The following ARMC6 variants were observed in gnomAD, a reference collection of about 807,000 sequenced individuals.
The protein encoded by ARMC6 is armadillo repeat containing 6.
ARMC6 carries 43 observed loss-of-function variants against 49.2 expected under a neutral mutation model. The observed-to-expected ratio is 0.87, with a 90% CI of 0.69 to 1.13. The LOEUF (loss-of-function observed/expected upper bound fraction) is 1.13, where lower values mean the gene tolerates loss of function less well. Ranked by LOEUF, ARMC6 falls within the 50% of genes most tolerant of loss-of-function variation. The pLI is 0.00. For synonymous variants in ARMC6, 262 were observed against 289.6 expected, an observed-to-expected ratio of 0.90 and a Z score of 0.97; for missense variants, 627 against 682.0, an observed-to-expected ratio of 0.92 and a Z score of 0.90.
At chr19:19,050,237 C>T (rs1430910485) in intron 4 of ARMC6, among the ~76,000 whole-genome samples, 6 of 152,148 alleles carry the variant, frequency 3.9e-5, no homozygotes, top group Admixed American at 3.9e-4. Context: ...ATGGCACGAG[C>T]TCAGCTCCCT....
intron 2 of ARMC6, among the ~76,000 whole-genome samples, chr19:19,035,400 G>A (rs2059354176): frequency 6.6e-6 from 1 of 152,224 alleles, no homozygotes; most frequent in African/African-American, 2.4e-5. Flanking sequence ...CCCTCAGCAT[G>A]CCCTGATGGA....
In ARMC6 at chr19:19,055,208, G is replaced by C; in HGVS notation, c.1024-57G>C. On this transcript the variant is annotated intron_variant, in intron 6 of 8. Transcript: ENST00000535612. This position sits in a 1 kb window ranked among gnomAD's most constrained non-coding sequence, Gnocchi z 5.7. ...AAACAGCCCCACATTCTCCCTCAGA[G>C]CCCTCTCCCACAACCAGCGGCCTGG... 6.6e-7 allele frequency: 1 copy of C among 1,525,800 alleles called. No homozygotes were observed. The highest frequency in any genetic ancestry group is 8.8e-7 in the Non-Finnish European group (1 of 1,137,356). 94.5% of individuals were successfully genotyped at this position (1,525,800 alleles called of 1,614,324 possible). A position where few individuals can be genotyped will look rare whatever the true frequency, so the allele number is the denominator to read the frequency against.
Position 19,033,903 on chromosome 19 carries a change from C to T in ARMC6, c.-107C>T, listed in dbSNP as rs1457895488. ...CCCTGGGTGACAACCGCGCGCCCCA[C>T]CTTTCCCCACGTGGCCGCGAAGACC... On this transcript the variant is annotated 5_prime_UTR_variant, in exon 1 of 9. Coordinates refer to ENST00000535612, the MANE Select transcript of ARMC6 (RefSeq NM_001199196.2). 5 of 401,634 alleles carry T rather than the reference C, an allele frequency of 1.2e-5. No individual in the cohort carries two copies. The highest frequency in any genetic ancestry group is 4.2e-5 in the Admixed American group (1 of 24,096). The allele number at this position is 401,634 out of a possible 1,614,324, so 24.9% of individuals were successfully genotyped here. A position where few individuals can be genotyped will look rare whatever the true frequency, so the allele number is the denominator to read the frequency against.
At chr19:19,044,427 G>A (rs566267742) in intron 4 of ARMC6, among the ~76,000 whole-genome samples, 1 of 152,350 alleles carries the variant, frequency 6.6e-6, no homozygotes, top group African/African-American at 2.4e-5. Context: ...TCACAGTAAG[G>A]CTGTCACTTA....
At position 19,055,195 on chromosome 19, in the gene ARMC6, A is replaced by G; in HGVS notation, c.1024-70A>G. Reference sequence around the variant, plus strand: ...TGGTCAAACAGCAAAACAGCCCCACATTCTCCCTCAGAGCCCTCTCCCACA... The same window carrying G: ...TGGTCAAACAGCAAAACAGCCCCACGTTCTCCCTCAGAGCCCTCTCCCACA... On this transcript the variant is annotated intron_variant, in intron 6 of 8. Transcript: ENST00000535612. This position sits in a 1 kb window ranked among gnomAD's most constrained non-coding sequence, Gnocchi z 5.7. The G allele has an allele frequency of 5.3e-6, 8 of 1,505,128 alleles. No homozygotes were observed. Among genetic ancestry groups the G allele is most frequent in the Non-Finnish European group, 7.1e-6 (8 of 1,129,116 alleles). The allele number at this position is 1,505,128 out of a possible 1,614,324, so 93.2% of individuals were successfully genotyped here.
Position 19,055,871 on chromosome 19 carries a change from CG to C in ARMC6, c.1240del (p.Ala414LeufsTer8). ...DNSRIIVEGGGAVAALQAMKA... is the reference protein window; with the variant it reads ...DNSRIIVEGGXAVAALQAMKA... ...ACAGCCGCATCATCGTGGAGGGTGG[CG>C]GGGCTGTGGCAGCACTGCAGGCCAT... is the stretch of plus-strand genomic sequence containing the variant. On this transcript the variant is annotated frameshift_variant, in exon 8 of 9. Coordinates refer to ENST00000535612, the MANE Select transcript of ARMC6 (RefSeq NM_001199196.2). LOFTEE classifies it high-confidence loss of function. The surrounding 1 kb of genome is among the most constrained non-coding windows in gnomAD (Gnocchi z 5.7). The C allele has an allele frequency of 1.2e-6, 2 of 1,612,752 alleles. No individual in the cohort carries two copies. Among genetic ancestry groups the C allele is most frequent in the Non-Finnish European group, 1.7e-6 (2 of 1,179,406 alleles).
rs541070220 is a variant in ARMC6, at chr19:19,042,976, G to A, written c.196+99G>A. ...GCCCCACTGGGGGTGCCACATGCCT[G>A]GCATAGAAACCAGGTGCCATTGGGC... On this transcript the variant is annotated intron_variant, in intron 3 of 8. Transcript: ENST00000535612. 382 of 1,459,014 alleles carry A rather than the reference G, an allele frequency of 2.6e-4. 1 individual carries two copies. The East Asian group carries it at 5.4e-3, about 21-fold the overall frequency. The allele number at this position is 1,459,014 out of a possible 1,614,324, so 90.4% of individuals were successfully genotyped here.
chr19:19,042,890 G>A lies in ARMC6; in HGVS notation c.196+13G>A, dbSNP rs760367197. 1 of 1,613,228 alleles carries A rather than the reference G, an allele frequency of 6.2e-7. No homozygotes were observed. Among genetic ancestry groups the A allele is most frequent in the Admixed American group, 1.7e-5 (1 of 60,012 alleles). On this transcript the variant is annotated intron_variant, in intron 3 of 8. Transcript: ENST00000535612. ...TTTGAATCGCAAGGTAGGGTGGTGTGACTGTCACCTACCATCCTTGGCTCT... is the reference window on the plus strand; with the variant it reads ...TTTGAATCGCAAGGTAGGGTGGTGTAACTGTCACCTACCATCCTTGGCTCT...
chr19:19,043,850 C>T (rs772039051), intron 3 of ARMC6, 142 bp from the exon 4 acceptor site: 5 of 690,496 alleles, frequency 7.2e-6, no homozygotes, highest in Middle Eastern at 2.6e-4. Context: ...GTGGCATGGG[C>T]GGGAATAGGG....
In ARMC6 at chr19:19,033,915, T is replaced by G; in HGVS notation, c.-95T>G. ...ACCGCGCGCCCCACCTTTCCCCACG[T>G]GGCCGCGAAGACCGGGTGAGACGCT... On this transcript the variant is annotated 5_prime_UTR_variant, in exon 1 of 9. Transcript: ENST00000535612. 2.4e-6 allele frequency: 1 copy of G among 409,192 alleles called. No individual in the cohort carries two copies. The highest frequency in any genetic ancestry group is 4.4e-6 in the Non-Finnish European group (1 of 226,372). The allele number at this position is 409,192 out of a possible 1,614,324, so 25.3% of individuals were successfully genotyped here. A position where few individuals can be genotyped will look rare whatever the true frequency, so the allele number is the denominator to read the frequency against.
Position 19,055,089 on chromosome 19 carries a change from C to T in ARMC6, c.1024-176C>T, listed in dbSNP as rs562523005. On this transcript the variant is annotated intron_variant, in intron 6 of 8. Coordinates refer to ENST00000535612, the MANE Select transcript of ARMC6 (RefSeq NM_001199196.2). This position sits in a 1 kb window ranked among gnomAD's most constrained non-coding sequence, Gnocchi z 5.7. ...GGGGATCAAGTCACCTGGATGGTAC[C>T]GTTTGGACACAGGCAGCCTGAGCCA... is the stretch of plus-strand genomic sequence containing the variant. Among the ~76,000 whole-genome samples the T allele has an allele frequency of 3.9e-5, 6 of 152,296 alleles. No individual in the cohort carries two copies. The highest frequency in any genetic ancestry group is 1.2e-4 in the African/African-American group (5 of 41,560).
chr19:19,046,171 CT>C (rs1157757004), intron 4 of ARMC6, among the ~76,000 whole-genome samples: 3 of 151,302 alleles, frequency 2.0e-5, no homozygotes, highest in African/African-American at 2.4e-5. Context: ...ACATTCGCTC[CT>C]TTTTTTTTCT....
Position 19,039,706 on chromosome 19 carries a change from T to C in ARMC6, c.30-3005T>C, listed in dbSNP as rs114407606. Among the ~76,000 whole-genome samples, 1,173 of 152,354 alleles carry C rather than the reference T, an allele frequency of 7.7e-3. 15 individuals carry two copies. Among genetic ancestry groups the C allele is most frequent in the African/African-American group, 0.027 (1,122 of 41,592 alleles). On this transcript the variant is annotated intron_variant, in intron 2 of 8. Transcript: ENST00000535612. The stretch of plus-strand genomic sequence containing the variant: ...ATGTTTTTGAGGTCTATCTCCATTG[T>C]AGCATGCTTCAGCACCTCATTCCTT...
At chr19:19,051,072 TGA>T (rs1295352190) in intron 4 of ARMC6, among the ~76,000 whole-genome samples, 2 of 152,214 alleles carry the variant, frequency 1.3e-5, no homozygotes, top group African/African-American at 2.4e-5. Context: ...GTGGAGTGAA[TGA>T]GAGAGATGAA....
At chr19:19,034,348 G>T in intron 2 of ARMC6, 110 bp downstream of exon 2, 1 of 1,349,728 alleles carries the variant, frequency 7.4e-7, no homozygotes, top group East Asian at 2.5e-5. Flanking sequence ...GATGAGAAAG[G>T]CGGGGAAGAG....
chr19:19,054,414 G>C, intron 6 of ARMC6, 93 bp downstream of exon 6: 2 of 1,317,056 alleles, frequency 1.5e-6, no homozygotes, highest in South Asian at 1.9e-5. Flanking sequence ...CTGCCTGCCA[G>C]TGTCGGAACC....
intron 4 of ARMC6, among the ~76,000 whole-genome samples, chr19:19,045,839 G>C (rs761833661): frequency 3.9e-5 from 6 of 152,024 alleles, no homozygotes; most frequent in Non-Finnish European, 8.8e-5. Flanking sequence ...TTTTAGTAGA[G>C]ACGAGGTTTC....
chr19:19,046,927 GTTTTTTTTTTTTTTTCTTTTTCTATTTC>G (rs2059455494), intron 4 of ARMC6, among the ~76,000 whole-genome samples: 3 of 104,374 alleles, frequency 2.9e-5, no homozygotes, highest in Non-Finnish European at 3.7e-5. Context: ...ATGCTCACCT[GTTTTTTTTTTTTTTTCTTTTTCTATTTC>G]TTTTTTTTTT....
rs1054906208 is a variant in ARMC6, at chr19:19,055,727, A to G, written c.1156-64A>G. 2 of 1,511,338 alleles carry G rather than the reference A, an allele frequency of 1.3e-6. No individual in the cohort carries two copies. The highest frequency in any genetic ancestry group is 1.8e-6 in the Non-Finnish European group (2 of 1,123,304). 93.6% of individuals were successfully genotyped at this position (1,511,338 alleles called of 1,614,324 possible). Reference sequence around the variant, plus strand: ...GGGTGTTCACCAGGGGTTGGTGGCCATGGCAGGATGTTGTGGGGGGTCTAT... The same window carrying G: ...GGGTGTTCACCAGGGGTTGGTGGCCGTGGCAGGATGTTGTGGGGGGTCTAT... On this transcript the variant is annotated intron_variant, in intron 7 of 8. Coordinates refer to ENST00000535612, the MANE Select transcript of ARMC6 (RefSeq NM_001199196.2). This position sits in a 1 kb window ranked among gnomAD's most constrained non-coding sequence, Gnocchi z 5.7.
Sources: gnomAD v4.1 joint callset for allele counts (sites outside exome capture counted in the v4.1 genomes callset) on GRCh38, gnomAD v4.1.1 for gene constraint, Gnocchi (gnomAD v3.1) non-coding constraint, MANE v1.5 for transcripts, NCBI Gene and HGNC (gene_info 2026-07-23, HGNC 2026-07-21) for gene names.